Variants in SFMBT1 observed in about 807,000 individuals in gnomAD.
SFMBT1 encodes scm-like with four MBT domains protein 1.
Under a neutral mutation model 108.7 loss-of-function variants are expected in SFMBT1, and 32 were observed. The ratio of observed to expected loss-of-function variants is 0.29; its 90% CI spans 0.22 to 0.40. SFMBT1 has a LOEUF of 0.40. Ranked by LOEUF, SFMBT1 falls within the 10% of genes least tolerant of loss-of-function variation. SFMBT1 has a pLI of 1.00. For missense variants in SFMBT1, 816 were observed against 1,059.6 expected (o/e 0.77, Z 3.19); for synonymous variants, 348 against 369.5 (o/e 0.94, Z 0.67).
At chr3:53,035,890 G>C (rs1285756702) in intron 1 of SFMBT1, among the ~76,000 whole-genome samples, 1 of 152,166 alleles carries the variant, frequency 6.6e-6, no homozygotes, top group African/African-American at 2.4e-5. Context: ...ACCGCACCCG[G>C]CCAGAGACGT....
At chr3:52,932,509 T>G (rs1263810785) in intron 5 of SFMBT1, among the ~76,000 whole-genome samples, 1 of 152,242 alleles carries the variant, frequency 6.6e-6, no homozygotes, top group African/African-American at 2.4e-5. Context: ...AAAGAAAATC[T>G]ACCTATAATG....
intron 4 of SFMBT1, among the ~76,000 whole-genome samples, chr3:52,939,921 C>A (rs553176149): frequency 6.6e-6 from 1 of 151,830 alleles, no homozygotes; most frequent in Non-Finnish European, 1.5e-5. Flanking sequence ...CCTTTCATTT[C>A]TGAATGTTTA....
chr3:52,974,260 G>C (rs1704441773), intron 1 of SFMBT1, among the ~76,000 whole-genome samples: 3 of 152,146 alleles, frequency 2.0e-5, no homozygotes, highest in Admixed American at 2.0e-4. Flanking sequence ...ACAGAAACAA[G>C]TCCAACAATA....
At chr3:53,024,290 T>C (rs1184634459) in intron 1 of SFMBT1, among the ~76,000 whole-genome samples, 2 of 150,642 alleles carry the variant, frequency 1.3e-5, no homozygotes, top group Non-Finnish European at 2.9e-5. Flanking sequence ...ACTGAGATGA[T>C]TTTGGGGGAA....
At chr3:52,954,486 TA>T in intron 2 of SFMBT1, 75 bp from the exon 3 acceptor site, 1 of 1,120,978 alleles carries the variant, frequency 8.9e-7, no homozygotes, top group South Asian at 1.3e-5. Flanking sequence ...ATAAACTTAA[TA>T]AACCTAACTT....
At position 52,916,356 on chromosome 3, in the gene SFMBT1, C is replaced by CT. The variant is rs71087030; in HGVS notation, c.1416-143dup. The CT allele has an allele frequency of 9.5e-3, 3,276 of 344,948 alleles. 60 individuals carry two copies. The highest frequency in any genetic ancestry group is 0.079 in the South Asian group (2,177 of 27,688). The allele number at this position is 344,948 out of a possible 1,614,324, so 21.4% of individuals were successfully genotyped here. On this transcript the variant is annotated intron_variant, in intron 13 of 20. Transcript: ENST00000394752. ...AACAGAAGGTACTCCCTTGATGATACTTTTTTTTTTTTTTTTTTTTTTTAA... is the reference window on the plus strand; with the variant it reads ...AACAGAAGGTACTCCCTTGATGATACTTTTTTTTTTTTTTTTTTTTTTTTAA...
At chr3:52,973,362 T>C (rs1704413625) in intron 1 of SFMBT1, among the ~76,000 whole-genome samples, 1 of 152,162 alleles carries the variant, frequency 6.6e-6, no homozygotes, top group South Asian at 2.1e-4. Flanking sequence ...TAAGAAAATA[T>C]ACTGAAGCTT....
At chr3:52,931,914 C>T in intron 6 of SFMBT1, 148 bp downstream of exon 6, 1 of 908,130 alleles carries the variant, frequency 1.1e-6, no homozygotes, top group Non-Finnish European at 1.6e-6. Context: ...CTTAATTTAA[C>T]AACTCCATAT....
intron 1 of SFMBT1, among the ~76,000 whole-genome samples, chr3:52,986,145 GAAAAA>G (rs34923532): frequency 7.7e-6 from 1 of 130,188 alleles, no homozygotes; most frequent in Non-Finnish European, 1.6e-5. Flanking sequence ...TCCGTCTCAG[GAAAAA>G]AAAAAAAAAA....
intron 7 of SFMBT1, 130 bp downstream of exon 7, chr3:52,930,809 AAC>A (rs1702832543): frequency 1.2e-5 from 8 of 691,464 alleles, no homozygotes; most frequent in Non-Finnish European, 1.8e-5. Context: ...GTCCAGCCTT[AAC>A]ACACCCTCCT....
At chr3:52,981,845 G>A (rs1319195717) in intron 1 of SFMBT1, among the ~76,000 whole-genome samples, 1 of 152,106 alleles carries the variant, frequency 6.6e-6, no homozygotes, top group Non-Finnish European at 1.5e-5. Flanking sequence ...AGGACAGCCC[G>A]CTAACCCCCA....
intron 16 of SFMBT1, among the ~76,000 whole-genome samples, chr3:52,911,707 T>C (rs1702217187): frequency 6.6e-6 from 1 of 152,238 alleles, no homozygotes; most frequent in Admixed American, 6.5e-5. Context: ...TATTTCCTTT[T>C]TGTTTTTGAG....
rs1553642493 is a variant in SFMBT1 at position 53,003,772 on chromosome 3, A to AAAAAG, written c.-130-34515_-130-34514insCTTTT. On this transcript the variant is annotated intron_variant, in intron 1 of 20. Coordinates refer to ENST00000394752, the MANE Select transcript of SFMBT1 (RefSeq NM_016329.4). ...CCATAGAAAGGTCAAAAAAAAAAAA[A>AAAAAG]AAAGAAAAGAAACTGCTGTATTTCA... Among the ~76,000 whole-genome samples, 387 of 143,026 alleles carry AAAAAG rather than the reference A, an allele frequency of 2.7e-3. 19 individuals are homozygous for AAAAAG. Among genetic ancestry groups the AAAAAG allele is most frequent in the East Asian group, 9.2e-3 (45 of 4,880 alleles). The allele number at this position is 143,026 out of a possible 152,430, so 93.8% of individuals were successfully genotyped here.
chr3:52,981,043 T>C lies in SFMBT1; in HGVS notation c.-130-11785A>G, dbSNP rs372184665. Among the ~76,000 whole-genome samples the C allele has an allele frequency of 3.0e-4, 45 of 151,640 alleles. No homozygotes were observed. The South Asian group carries it at 9.4e-3, about 32-fold the overall frequency. Reference sequence around the variant, plus strand: ...CGGGCGTGGTGGCACATGCCTGTAATCCCAGCTACTCGTGAGGCTGAGGCA... The same window carrying C: ...CGGGCGTGGTGGCACATGCCTGTAACCCCAGCTACTCGTGAGGCTGAGGCA... On this transcript the variant is annotated intron_variant, in intron 1 of 20. Transcript: ENST00000394752.
intron 2 of SFMBT1, among the ~76,000 whole-genome samples, chr3:52,958,895 G>A (rs748673538): frequency 1.8e-4 from 27 of 152,112 alleles, no homozygotes; most frequent in Admixed American, 3.9e-4. Flanking sequence ...ATCAACAATA[G>A]ACTGGATAAA....
At chr3:53,035,684 C>G (rs1699847489) in intron 1 of SFMBT1, among the ~76,000 whole-genome samples, 1 of 152,198 alleles carries the variant, frequency 6.6e-6, no homozygotes, top group Non-Finnish European at 1.5e-5. Flanking sequence ...GAAACCCCCA[C>G]TTGCCAGGTT....
At chr3:52,995,416 T>C (rs1386766985) in intron 1 of SFMBT1, among the ~76,000 whole-genome samples, 1 of 150,278 alleles carries the variant, frequency 6.7e-6, no homozygotes, top group Admixed American at 6.7e-5. Flanking sequence ...TGAGGCAGGG[T>C]CTTGCTCTGT....
In SFMBT1 at chr3:52,903,839, A is replaced by C. The variant is rs971830173; in HGVS notation, c.*1297T>G. On this transcript the variant is annotated 3_prime_UTR_variant, in exon 21 of 21. Transcript: ENST00000394752. ...TAAGTGAAAATTCACCTGGAGTTTC[A>C]TGTTAACTTGAGCTGGGCTAAAAGA... is the stretch of plus-strand genomic sequence containing the variant. The C allele has an allele frequency of 1.3e-5, 2 of 152,210 alleles. No homozygotes were observed. Among genetic ancestry groups the C allele is most frequent in the Admixed American group, 6.5e-5 (1 of 15,280 alleles). The allele number at this position is 152,210 out of a possible 1,614,324, so 9.4% of individuals were successfully genotyped here. A position where few individuals can be genotyped will look rare whatever the true frequency, so the allele number is the denominator to read the frequency against.
chr3:52,979,419 T>C (rs145474420), intron 1 of SFMBT1, among the ~76,000 whole-genome samples: 140 of 152,372 alleles, frequency 9.2e-4, no homozygotes, highest in African/African-American at 3.3e-3. Context: ...TGATTATTCA[T>C]GAAGCCAAAA....
Sources: allele counts gnomAD v4.1 joint callset (sites outside exome capture counted in the v4.1 genomes callset), GRCh38; gene constraint gnomAD v4.1.1; transcripts MANE v1.5; gene names NCBI Gene and HGNC (gene_info 2026-07-23, HGNC 2026-07-21).